PPP1R14C: variants seen among roughly 807,000 people sequenced by gnomAD.
The protein encoded by PPP1R14C is protein phosphatase 1 regulatory inhibitor subunit 14C.
In PPP1R14C, 16 loss-of-function variants were observed where a neutral mutation model predicts 20.4. The observed-to-expected ratio is 0.78, with a 90% CI of 0.53 to 1.19. The LOEUF (loss-of-function observed/expected upper bound fraction) is 1.19, where lower values mean the gene tolerates loss of function less well. PPP1R14C is among the 50% of genes most tolerant of loss of function. The probability of loss-of-function intolerance (pLI) is 0.00; values close to 1 mark genes in which losing one functional copy is unlikely to be tolerated. For missense variants in PPP1R14C, 211 were observed against 220.1 expected (o/e 0.96, Z 0.26); for synonymous variants, 91 against 91.0 (o/e 1.00, Z 0.00).
chr6:150,191,233 A>C (rs1777738526), intron 1 of PPP1R14C, among the ~76,000 whole-genome samples: 1 of 152,156 alleles, frequency 6.6e-6, no homozygotes, highest in Non-Finnish European at 1.5e-5. Flanking sequence ...AGCAGCCTCC[A>C]TACTTCCTGG....
At chr6:150,207,400 G>C (rs1777967012) in intron 1 of PPP1R14C, among the ~76,000 whole-genome samples, 1 of 152,198 alleles carries the variant, frequency 6.6e-6, no homozygotes, top group African/African-American at 2.4e-5. Flanking sequence ...TGGGTGCCCG[G>C]TGGGGCTGGG....
At chr6:150,216,763 C>T (rs1778098876) in intron 2 of PPP1R14C, 61 bp from the exon 3 acceptor site, 1 of 1,129,322 alleles carries the variant, frequency 8.9e-7, no homozygotes, top group Non-Finnish European at 1.3e-6. Context: ...TTTAATTTTG[C>T]CTTAAAAATA....
chr6:150,192,945 C>T lies in PPP1R14C; in HGVS notation c.307-21799C>T, dbSNP rs575563021. 1.4e-4 allele frequency among the ~76,000 whole-genome samples: 21 copies of T among 152,262 alleles called. No homozygotes were observed. The South Asian group carries it at 4.2e-3, about 30-fold the overall frequency. On this transcript the variant is annotated intron_variant, in intron 1 of 3. Coordinates refer to ENST00000361131, the MANE Select transcript of PPP1R14C (RefSeq NM_030949.3). ...TTGGGACCCCTGTGCTAGAGGATGA[C>T]ATGGCACAGTCACACATTTGGCTGA... is the stretch of plus-strand genomic sequence containing the variant.
At chr6:150,197,867 G>A (rs1241110603) in intron 1 of PPP1R14C, among the ~76,000 whole-genome samples, 3 of 124,082 alleles carry the variant, frequency 2.4e-5, no homozygotes, top group Non-Finnish European at 4.9e-5. Context: ...GCCCCTGCCC[G>A]CCACAGTGGA....
At chr6:150,182,638 G>A (rs937469168) in intron 1 of PPP1R14C, among the ~76,000 whole-genome samples, 13 of 152,184 alleles carry the variant, frequency 8.5e-5, no homozygotes, top group African/African-American at 3.1e-4. Flanking sequence ...ATAAAATGGG[G>A]ATAATAAAGA....
intron 1 of PPP1R14C, among the ~76,000 whole-genome samples, chr6:150,191,846 A>G (rs115558759): frequency 0.011 from 1,666 of 152,216 alleles, 34 homozygotes; most frequent in African/African-American, 0.038. Context: ...AAAGAGGGAG[A>G]CCTTACCCTG....
rs1486903760 is a variant in PPP1R14C, at chr6:150,143,946, G to A, written c.306+448G>A. ...CCTGATTTTTGTGGAGAACGAGCAG[G>A]GAAGGAAGGAAGCTGCCTCGTGGAA... is the stretch of plus-strand genomic sequence containing the variant. On this transcript the variant is annotated intron_variant, in intron 1 of 3. Coordinates refer to ENST00000361131, the MANE Select transcript of PPP1R14C (RefSeq NM_030949.3). The surrounding 1 kb of genome is among the most constrained non-coding windows in gnomAD (Gnocchi z 5.6). Among the ~76,000 whole-genome samples the A allele has an allele frequency of 6.6e-6, 1 of 152,182 alleles. No homozygotes were observed. The highest frequency in any genetic ancestry group is 2.4e-5 in the African/African-American group (1 of 41,452).
chr6:150,225,142 T>C (rs1778216386), intron 3 of PPP1R14C, among the ~76,000 whole-genome samples: 1 of 151,976 alleles, frequency 6.6e-6, no homozygotes, highest in Admixed American at 6.6e-5. Flanking sequence ...AAATAAACTT[T>C]TAGACTTTGG....
intron 3 of PPP1R14C, among the ~76,000 whole-genome samples, chr6:150,218,082 G>T (rs1778116945): frequency 6.6e-6 from 1 of 152,096 alleles, no homozygotes; most frequent in African/African-American, 2.4e-5. Context: ...GACCAACCTG[G>T]TCAACATGGC....
intron 2 of PPP1R14C, among the ~76,000 whole-genome samples, 164 bp downstream of exon 2, chr6:150,214,991 C>A (rs1778072863): frequency 6.6e-6 from 1 of 152,238 alleles, no homozygotes; most frequent in African/African-American, 2.4e-5. Flanking sequence ...TGTTCACTCT[C>A]TTAAACTGCC....
chr6:150,203,368 C>T (rs763752660), intron 1 of PPP1R14C, among the ~76,000 whole-genome samples: 3 of 152,208 alleles, frequency 2.0e-5, no homozygotes, highest in East Asian at 1.9e-4. Context: ...TAAGGTCCTT[C>T]GTGTCTTTTC....
intron 1 of PPP1R14C, among the ~76,000 whole-genome samples, chr6:150,163,156 C>A (rs1459753377): frequency 1.3e-5 from 2 of 152,136 alleles, no homozygotes; most frequent in African/African-American, 4.8e-5. Flanking sequence ...CTTTGGGAGG[C>A]CGAGGCAGGC....
At chr6:150,162,061 CTTTTTTT>C (rs35656436) in intron 1 of PPP1R14C, among the ~76,000 whole-genome samples, 1 of 143,540 alleles carries the variant, frequency 7.0e-6, no homozygotes, top group African/African-American at 2.6e-5. Context: ...TTTCTTTTTT[CTTTTTTT>C]TTTTTGAGAC....
At chr6:150,162,721 G>A (rs117365086) in intron 1 of PPP1R14C, among the ~76,000 whole-genome samples, 2,996 of 152,294 alleles carry the variant, frequency 0.02, 37 homozygotes, top group Non-Finnish European at 0.028. Context: ...TGCACTTTTA[G>A]GTGCTAGGGA....
chr6:150,144,851 T>A (rs1219022093), intron 1 of PPP1R14C, among the ~76,000 whole-genome samples: 1 of 152,226 alleles, frequency 6.6e-6, no homozygotes, highest in Admixed American at 6.5e-5. Context: ...CTGGCAAACA[T>A]AAGAAGTATT....
intron 1 of PPP1R14C, among the ~76,000 whole-genome samples, chr6:150,210,663 G>A (rs9479953): frequency 0.47 from 70,966 of 152,074 alleles, 18,398 homozygotes; most frequent in African/African-American, 0.7. Flanking sequence ...AGAAGTTGAC[G>A]GACAGCTTTA....
Position 150,143,590 on chromosome 6 carries a change from CA to C in PPP1R14C, c.306+93del. On this transcript the variant is annotated intron_variant, in intron 1 of 3. Coordinates refer to ENST00000361131, the MANE Select transcript of PPP1R14C (RefSeq NM_030949.3). The surrounding 1 kb of genome is among the most constrained non-coding windows in gnomAD (Gnocchi z 5.6). ...TCCCGGGCTCCAGCTCCGGGGCGCG[CA>C]TGTCCCTGACTCCCGGGGACCAAGT... is the stretch of plus-strand genomic sequence containing the variant. 3.2e-6 allele frequency: 3 copies of C among 942,642 alleles called. No homozygotes were observed. Among genetic ancestry groups the C allele is most frequent in the Non-Finnish European group, 4.7e-6 (3 of 637,968 alleles). The allele number at this position is 942,642 out of a possible 1,614,324, so 58.4% of individuals were successfully genotyped here.
At chr6:150,197,412 G>A (rs1777818404) in intron 1 of PPP1R14C, among the ~76,000 whole-genome samples, 1 of 152,238 alleles carries the variant, frequency 6.6e-6, no homozygotes, top group Middle Eastern at 3.2e-3. Flanking sequence ...GGCTCCAGAG[G>A]GCACCTGTCT....
At chr6:150,173,367 C>T (rs565664581) in intron 1 of PPP1R14C, among the ~76,000 whole-genome samples, 8 of 152,062 alleles carry the variant, frequency 5.3e-5, no homozygotes, top group East Asian at 1.9e-4. Flanking sequence ...GGTGAGTGCC[C>T]GGGCCCAGCC....
Sources: allele counts gnomAD v4.1 joint callset (sites outside exome capture counted in the v4.1 genomes callset), GRCh38; gene constraint gnomAD v4.1.1; non-coding constraint Gnocchi (gnomAD v3.1); transcripts MANE v1.5; gene names NCBI Gene and HGNC (gene_info 2026-07-23, HGNC 2026-07-21).